Variants in GHR observed in about 807,000 individuals in gnomAD.
The protein encoded by GHR is growth hormone receptor, also known as GH receptor.
In GHR, 35 loss-of-function variants were observed where a neutral mutation model predicts 67.1. The ratio of observed to expected loss-of-function variants is 0.52; its 90% CI spans 0.40 to 0.69. The LOEUF (loss-of-function observed/expected upper bound fraction) is 0.69, where lower values mean the gene tolerates loss of function less well. Ranked by LOEUF, GHR falls within the 30% of genes least tolerant of loss-of-function variation. The probability of loss-of-function intolerance (pLI) is 0.00; values close to 1 mark genes in which losing one functional copy is unlikely to be tolerated. For missense variants in GHR, 792 were observed against 764.6 expected, an observed-to-expected ratio of 1.04 and a Z score of -0.42; for synonymous variants, 272 against 269.1, an observed-to-expected ratio of 1.01 and a Z score of -0.10.
At chr5:42,589,583 G>A (rs915389414) in intron 2 of GHR, among the ~76,000 whole-genome samples, 10 of 152,020 alleles carry the variant, frequency 6.6e-5, no homozygotes, top group Admixed American at 6.5e-4. Context: ...ATTGATTATT[G>A]TGTCATCTTG....
At chr5:42,670,249 A>C (rs1756205480) in intron 3 of GHR, among the ~76,000 whole-genome samples, 1 of 152,202 alleles carries the variant, frequency 6.6e-6, no homozygotes. Context: ...TTCAACAAAG[A>C]TACCAAGAAC....
At chr5:42,464,145 T>C (rs1744625687) in intron 1 of GHR, among the ~76,000 whole-genome samples, 1 of 151,914 alleles carries the variant, frequency 6.6e-6, no homozygotes, top group Admixed American at 6.6e-5. Flanking sequence ...TAATTTAGTT[T>C]GCTTTCATTA....
chr5:42,661,804 A>G (rs1292466523), intron 3 of GHR, among the ~76,000 whole-genome samples: 1 of 152,200 alleles, frequency 6.6e-6, no homozygotes, highest in Non-Finnish European at 1.5e-5. Flanking sequence ...AAAGACACAG[A>G]CTGGCAAATT....
chr5:42,520,589 T>C (rs1387899287), intron 1 of GHR, among the ~76,000 whole-genome samples: 1 of 152,196 alleles, frequency 6.6e-6, no homozygotes, highest in Non-Finnish European at 1.5e-5. Context: ...ATTAGGGTCA[T>C]GATTGTGTTT....
At chr5:42,525,952 T>G (rs1202079253) in intron 1 of GHR, among the ~76,000 whole-genome samples, 1 of 152,196 alleles carries the variant, frequency 6.6e-6, no homozygotes, top group Admixed American at 6.5e-5. Flanking sequence ...TGTTTCCAGT[T>G]TCAGATATGT....
intron 3 of GHR, among the ~76,000 whole-genome samples, chr5:42,661,800 A>G (rs1258857990): frequency 5.3e-5 from 8 of 152,226 alleles, no homozygotes; most frequent in African/African-American, 1.9e-4. Context: ...ATTAAAAGAC[A>G]CAGACTGGCA....
intron 4 of GHR, among the ~76,000 whole-genome samples, chr5:42,692,004 T>C (rs1382993344): frequency 6.6e-6 from 1 of 152,144 alleles, no homozygotes; most frequent in East Asian, 1.9e-4. Context: ...GAACACTCAG[T>C]CCTTAAGGCT....
chr5:42,705,685 T>C (rs1004604438), intron 6 of GHR, among the ~76,000 whole-genome samples: 2 of 152,284 alleles, frequency 1.3e-5, no homozygotes, highest in East Asian at 3.9e-4. Context: ...ATTAGTGTGC[T>C]TAGCATAATG....
At chr5:42,443,811 T>A (rs549756878) in intron 1 of GHR, among the ~76,000 whole-genome samples, 3 of 152,116 alleles carry the variant, frequency 2.0e-5, no homozygotes, top group Non-Finnish European at 4.4e-5. Flanking sequence ...GGCATTCAAC[T>A]GATTGGAGGG....
intron 3 of GHR, among the ~76,000 whole-genome samples, chr5:42,686,306 T>C (rs1341292958): frequency 6.6e-6 from 1 of 151,818 alleles, no homozygotes; most frequent in South Asian, 2.1e-4. Context: ...TCTATATATC[T>C]TATTTGGTAC....
intron 2 of GHR, among the ~76,000 whole-genome samples, chr5:42,587,077 C>A (rs183134464): frequency 7.9e-4 from 114 of 144,886 alleles, no homozygotes; most frequent in African/African-American, 2.8e-3. Context: ...CTTATTTTTT[C>A]TTATCAAGAC....
intron 5 of GHR, among the ~76,000 whole-genome samples, chr5:42,695,750 G>A (rs1481045788): frequency 6.6e-6 from 1 of 152,124 alleles, no homozygotes; most frequent in Non-Finnish European, 1.5e-5. Flanking sequence ...TACCTTAATA[G>A]TATAAATAGC....
At chr5:42,624,502 C>A (rs1372927186) in intron 2 of GHR, among the ~76,000 whole-genome samples, 1 of 152,106 alleles carries the variant, frequency 6.6e-6, no homozygotes, top group Non-Finnish European at 1.5e-5. Flanking sequence ...ATTTTTAAAA[C>A]CACTTTATTG....
At chr5:42,470,236 AT>A (rs1335308142) in intron 1 of GHR, among the ~76,000 whole-genome samples, 12 of 147,950 alleles carry the variant, frequency 8.1e-5, no homozygotes, top group Non-Finnish European at 1.6e-4. Flanking sequence ...ATATATCATT[AT>A]ATAATGTATT....
chr5:42,639,635 G>C lies in GHR; in HGVS notation c.136+10532G>C, dbSNP rs564208614. ...CCTGCTACCATGAAACTCTGCCAGG[G>C]TTATCCTCAGAGAAATGGAGAGACA... On this transcript the variant is annotated intron_variant, in intron 3 of 9. Transcript: ENST00000230882. Among the ~76,000 whole-genome samples, 5 of 152,306 alleles carry C rather than the reference G, an allele frequency of 3.3e-5. No homozygotes were observed. The East Asian group carries it at 9.6e-4, about 29-fold the overall frequency.
At chr5:42,510,588 A>G (rs1039177248) in intron 1 of GHR, among the ~76,000 whole-genome samples, 1 of 152,236 alleles carries the variant, frequency 6.6e-6, no homozygotes, top group African/African-American at 2.4e-5. Flanking sequence ...AACATAAAAA[A>G]CTGTAGCAAT....
chr5:42,466,849 T>TTATG, intron 1 of GHR: 1 of 1,385,680 alleles, frequency 7.2e-7, no homozygotes, highest in Non-Finnish European at 9.6e-7. Flanking sequence ...AGGCAGAAGG[T>TTATG]TATGACCAAT....
rs541937493 is a variant in GHR, at chr5:42,644,301, A to G, written c.136+15198A>G. ...GCACCACCCATGATGTATTCTTTCC[A>G]TGAGAATTGATCTGAATCAAAGTAA... On this transcript the variant is annotated intron_variant, in intron 3 of 9. Transcript: ENST00000230882. Among the ~76,000 whole-genome samples the G allele has an allele frequency of 5.3e-5, 8 of 152,312 alleles. No homozygotes were observed. The South Asian group carries it at 8.3e-4, about 16-fold the overall frequency.
rs372451461 is a variant in GHR, at chr5:42,577,463, G to A, written c.70+11519G>A. ...TGATAGATGTTCAGTTATGCGAAAC[G>A]AAAGGTATTTCTGGCTACCCCTTTA... On this transcript the variant is annotated intron_variant, in intron 2 of 9. Coordinates refer to ENST00000230882, the MANE Select transcript of GHR (RefSeq NM_000163.5). Among the ~76,000 whole-genome samples, 5 of 152,190 alleles carry A rather than the reference G, an allele frequency of 3.3e-5. No homozygotes were observed. The South Asian group carries it at 8.3e-4, about 25-fold the overall frequency.
Sources: gnomAD v4.1 joint callset for allele counts (sites outside exome capture counted in the v4.1 genomes callset) on GRCh38, gnomAD v4.1.1 for gene constraint, MANE v1.5 for transcripts, NCBI Gene and HGNC (gene_info 2026-07-23, HGNC 2026-07-21) for gene names.